ITSN1: variants seen among roughly 807,000 people sequenced by gnomAD.
ITSN1 encodes the protein intersectin 1, also known as intersectin-1.
Under a neutral mutation model 239.8 loss-of-function variants are expected in ITSN1, and 58 were observed. The observed-to-expected ratio is 0.24, with a 90% CI of 0.20 to 0.30. ITSN1 has a LOEUF of 0.30. Among genes scored for constraint, ITSN1 ranks in the 10% least tolerant of loss-of-function variants. The pLI, the probability that ITSN1 is intolerant of heterozygous loss-of-function variation, is 1.00. For missense variants in ITSN1, 1,558 were observed against 2,103.3 expected, an observed-to-expected ratio of 0.74 and a Z score of 5.07; for synonymous variants, 780 against 770.8, an observed-to-expected ratio of 1.01 and a Z score of -0.20.
At chr21:33,673,519 G>A (rs2090425062) in intron 1 of ITSN1, among the ~76,000 whole-genome samples, 1 of 152,182 alleles carries the variant, frequency 6.6e-6, no homozygotes, top group Admixed American at 6.5e-5. Flanking sequence ...AAGAGGTGCC[G>A]GTTTGAAGGG....
chr21:33,867,167 G>A, intron 32 of ITSN1, 66 bp from the exon 33 acceptor site: 1 of 876,592 alleles, frequency 1.1e-6, no homozygotes, highest in Non-Finnish European at 2.0e-6. Flanking sequence ...ACTGACATTA[G>A]TATTGATGTC....
At chr21:33,807,923 C>T (rs1282141957) in intron 20 of ITSN1, among the ~76,000 whole-genome samples, 2 of 152,028 alleles carry the variant, frequency 1.3e-5, no homozygotes, top group Non-Finnish European at 2.9e-5. Context: ...CGGTGGCTCA[C>T]GCCTGTAATC....
chr21:33,762,861 G>A (rs1217706136), intron 9 of ITSN1, among the ~76,000 whole-genome samples: 1 of 150,512 alleles, frequency 6.6e-6, no homozygotes, highest in East Asian at 2.0e-4. Context: ...ACAGGGTGTT[G>A]CCATGTTGGC....
At chr21:33,803,677 G>A (rs903773192) in intron 20 of ITSN1, among the ~76,000 whole-genome samples, 3 of 152,130 alleles carry the variant, frequency 2.0e-5, no homozygotes, top group Non-Finnish European at 4.4e-5. Flanking sequence ...AGGGGCTTTC[G>A]TGTTGAATTT....
chr21:33,859,474 T>C (rs914172033), intron 31 of ITSN1, among the ~76,000 whole-genome samples: 5 of 152,046 alleles, frequency 3.3e-5, no homozygotes, highest in African/African-American at 1.2e-4. Context: ...CCAAAATCTG[T>C]ATCCACCACG....
At chr21:33,693,039 C>T (rs183296670) in intron 1 of ITSN1, among the ~76,000 whole-genome samples, 8 of 151,902 alleles carry the variant, frequency 5.3e-5, no homozygotes, top group East Asian at 2.0e-4. Flanking sequence ...TCATGTGATC[C>T]GCCCACCTCG....
intron 5 of ITSN1, among the ~76,000 whole-genome samples, chr21:33,749,924 A>G (rs2067435955): frequency 6.6e-6 from 1 of 152,002 alleles, no homozygotes; most frequent in Non-Finnish European, 1.5e-5. Flanking sequence ...TTTGATTCTC[A>G]TCTTGTTTGT....
chr21:33,728,725 C>CT (rs1191096623), intron 4 of ITSN1, among the ~76,000 whole-genome samples: 2 of 152,196 alleles, frequency 1.3e-5, no homozygotes, highest in African/African-American at 4.8e-5. Flanking sequence ...CTGCCCACCT[C>CT]TTTCCCTTTA....
At chr21:33,716,729 G>A (rs900046160) in intron 1 of ITSN1, among the ~76,000 whole-genome samples, 7 of 151,292 alleles carry the variant, frequency 4.6e-5, no homozygotes, top group East Asian at 3.9e-4. Context: ...CGAGACAGGC[G>A]GATCACAAGG....
At chr21:33,780,969 T>C (rs2070128223) in intron 14 of ITSN1, among the ~76,000 whole-genome samples, 1 of 152,226 alleles carries the variant, frequency 6.6e-6, no homozygotes, top group Admixed American at 6.5e-5. Context: ...GCTAAGATTC[T>C]AGTTGTTAAA....
chr21:33,751,195 A>C (rs1602008013), intron 6 of ITSN1, among the ~76,000 whole-genome samples: 1 of 152,330 alleles, frequency 6.6e-6, no homozygotes, highest in East Asian at 1.9e-4. Flanking sequence ...AAGTGTGTGC[A>C]GTTGTTTTTC....
intron 1 of ITSN1, among the ~76,000 whole-genome samples, chr21:33,649,911 G>GAA (rs2088349630): frequency 1.3e-5 from 2 of 151,812 alleles, no homozygotes; most frequent in Non-Finnish European, 2.9e-5. Flanking sequence ...AGCTACTTGG[G>GAA]AGGCTGAAGC....
chr21:33,755,374 A>G lies in ITSN1; in HGVS notation c.701A>G (p.Lys234Arg). 4 of 1,596,040 alleles carry G rather than the reference A, an allele frequency of 2.5e-6. No individual in the cohort carries two copies. The highest frequency in any genetic ancestry group is 3.4e-6 in the Non-Finnish European group (4 of 1,165,876). ...AGGCAATTATTCAATAGTCATGACAAAACTATGAGTGGACACTTAACAGGT... is the reference window on the plus strand; with the variant it reads ...AGGCAATTATTCAATAGTCATGACAGAACTATGAGTGGACACTTAACAGGT... ...KYRQLFNSHD[K>R]TMSGHLTGPQ... The change falls in exon 8 of 40, where the codon AAA becomes AGA. Residue 234 changes from lysine (K) to arginine (R), a missense_variant. Transcript: ENST00000381318.
chr21:33,686,414 T>C (rs2091239217), intron 1 of ITSN1, among the ~76,000 whole-genome samples: 1 of 152,208 alleles, frequency 6.6e-6, no homozygotes, highest in African/African-American at 2.4e-5. Flanking sequence ...ATTTGTTATC[T>C]TAAGTTTTTC....
intron 20 of ITSN1, among the ~76,000 whole-genome samples, chr21:33,809,758 A>G (rs2072756640): frequency 6.6e-6 from 1 of 152,206 alleles, no homozygotes; most frequent in Non-Finnish European, 1.5e-5. Flanking sequence ...ATAAGGTTTC[A>G]TAAGATAAGA....
chr21:33,767,857 C>G, intron 11 of ITSN1, 29 bp downstream of exon 11: 1 of 1,230,962 alleles, frequency 8.1e-7, no homozygotes, highest in Non-Finnish European at 1.2e-6. Context: ...TGAGTTAAAT[C>G]ATTTAGATTA....
chr21:33,885,723 G>A (rs1049397542), intron 38 of ITSN1, among the ~76,000 whole-genome samples: 7 of 152,006 alleles, frequency 4.6e-5, no homozygotes, highest in African/African-American at 7.3e-5. Context: ...CTGCTTCTCC[G>A]AGGGATCTGA....
chr21:33,760,107 CAAAA>C (rs548123368), intron 8 of ITSN1, among the ~76,000 whole-genome samples: 1 of 123,682 alleles, frequency 8.1e-6, no homozygotes. Context: ...GACTCCATCT[CAAAA>C]AAAAAAAAGA....
At chr21:33,774,393 C>T (rs1309681899) in intron 12 of ITSN1, 4 of 174,904 alleles carry the variant, frequency 2.3e-5, no homozygotes, top group Admixed American at 6.2e-5. Flanking sequence ...ATAAATTTTC[C>T]TTCTTGGCGT....
Sources: allele counts gnomAD v4.1 joint callset (sites outside exome capture counted in the v4.1 genomes callset), GRCh38; gene constraint gnomAD v4.1.1; transcripts MANE v1.5; gene names NCBI Gene and HGNC (gene_info 2026-07-23, HGNC 2026-07-21).